IQCE: variants seen among roughly 807,000 people sequenced by gnomAD.
The protein encoded by IQCE is IQ motif containing E.
In IQCE, 115 loss-of-function variants were observed where a neutral mutation model predicts 96.0. The ratio of observed to expected loss-of-function variants is 1.20; its 90% CI spans 1.03 to 1.40. IQCE has a LOEUF of 1.40. Ranked by LOEUF, IQCE falls within the 40% of genes most tolerant of loss-of-function variation. IQCE has a pLI of 0.00. For missense variants in IQCE, 1,041 were observed against 909.1 expected, an observed-to-expected ratio of 1.15 and a Z score of -1.87; for synonymous variants, 412 against 371.2, an observed-to-expected ratio of 1.11 and a Z score of -1.26.
chr7:2,579,629 A>G (rs1170610953), intron 8 of IQCE, among the ~76,000 whole-genome samples: 2 of 152,162 alleles, frequency 1.3e-5, no homozygotes, highest in Non-Finnish European at 2.9e-5. Context: ...CACAAAGTAA[A>G]TCCTTAACAA....
rs1781812450 is a variant in IQCE at position 2,572,303 on chromosome 7, A to G, written c.371A>G (p.His124Arg). 1 of 1,614,156 alleles carries G rather than the reference A, an allele frequency of 6.2e-7. No individual in the cohort carries two copies. Among genetic ancestry groups the G allele is most frequent in the Non-Finnish European group, 8.5e-7 (1 of 1,180,004 alleles). Reference sequence around the variant, plus strand: ...GACACCTTCAGAGTGAAGAGGCCACATCTCAGGCGCTCTGCCAGCAACGGT... The same window carrying G: ...GACACCTTCAGAGTGAAGAGGCCACGTCTCAGGCGCTCTGCCAGCAACGGT... The part of the protein sequence containing the change: ...LTDTFRVKRP[H>R]LRRSASNGHV... Residue 124 changes from histidine to arginine, a missense_variant, in exon 5 of 22, where the codon CAT (histidine) becomes CGT (arginine). By Grantham distance (29) the His-to-Arg change is conservative. Transcript: ENST00000402050.
chr7:2,607,390 C>T (rs1011445657), intron 21 of IQCE, 163 bp downstream of exon 21: 79 of 1,379,944 alleles, frequency 5.7e-5, no homozygotes, highest in Admixed American at 3.4e-4. Flanking sequence ...GCCAGGAAGG[C>T]CCACAACAGG....
chr7:2,569,066 G>C, intron 3 of IQCE, 67 bp downstream of exon 3: 2 of 1,496,418 alleles, frequency 1.3e-6, no homozygotes, highest in East Asian at 4.5e-5. Context: ...GAGAATGAAG[G>C]GTATTTGCTT....
At chr7:2,586,404 CCAGGGAATGG>C (rs3217437) in intron 12 of IQCE, 33 bp downstream of exon 12, 1,177,559 of 1,563,176 alleles carry the variant, frequency 0.75, 449,341 homozygotes, top group African/African-American at 0.88. Context: ...AGGAGGGAGG[CCAGGGAATGG>C]CAGGGAATGG....
intron 6 of IQCE, among the ~76,000 whole-genome samples, chr7:2,576,925 C>T (rs550628608): frequency 6.6e-6 from 1 of 152,086 alleles, no homozygotes; most frequent in Admixed American, 6.6e-5. Context: ...CGTCCAGCCC[C>T]GGTGTTGGCG....
intron 12 of IQCE, among the ~76,000 whole-genome samples, chr7:2,587,526 C>T (rs760014923): frequency 3.3e-5 from 5 of 152,088 alleles, no homozygotes; most frequent in Non-Finnish European, 2.9e-5. Flanking sequence ...TGACAGTCAT[C>T]GGAGATCTTG....
intron 3 of IQCE, among the ~76,000 whole-genome samples, chr7:2,569,818 A>G (rs923412299): frequency 9.2e-5 from 14 of 152,236 alleles, no homozygotes; most frequent in Non-Finnish European, 1.9e-4. Context: ...CTTTGCTACT[A>G]GCCCAAGGAA....
chr7:2,584,152 C>A, intron 10 of IQCE, 84 bp from the exon 11 acceptor site: 1 of 1,211,764 alleles, frequency 8.3e-7, no homozygotes, highest in South Asian at 1.2e-5. Flanking sequence ...AGGCAGCGGT[C>A]AGGACTGTGA....
At chr7:2,560,086 G>C (rs539193163) in intron 1 of IQCE, among the ~76,000 whole-genome samples, 1 of 152,160 alleles carries the variant, frequency 6.6e-6, no homozygotes, top group Non-Finnish European at 1.5e-5. Context: ...CTTGAGCCCA[G>C]GAGGTGGAAG....
chr7:2,611,409 TAGAA>T lies in IQCE; in HGVS notation c.*1250_*1253del, dbSNP rs937436709. On this transcript the variant is annotated 3_prime_UTR_variant, in exon 22 of 22. Transcript: ENST00000402050. ...GCTGTCTCAGGAGAGACCCAATGGT[TAGAA>T]AGCCCCTTTTTACACAGCTGACAGC... 3.9e-5 allele frequency: 6 copies of T among 152,274 alleles called. No individual in the cohort carries two copies. The highest frequency in any genetic ancestry group is 1.5e-5 in the Non-Finnish European group (1 of 68,106). 9.4% of individuals were successfully genotyped at this position (152,274 alleles called of 1,614,324 possible).
At chr7:2,602,637 AGGGC>A (rs1784511233) in intron 18 of IQCE, among the ~76,000 whole-genome samples, 1 of 152,204 alleles carries the variant, frequency 6.6e-6, no homozygotes, top group African/African-American at 2.4e-5. Flanking sequence ...CTCTGCCGTC[AGGGC>A]GGGGCTTGAC....
intron 14 of IQCE, among the ~76,000 whole-genome samples, chr7:2,592,401 CAA>C (rs10534613): frequency 0.36 from 54,343 of 151,960 alleles, 10,297 homozygotes; most frequent in Non-Finnish European, 0.43. Context: ...AGTGGCGTGA[CAA>C]GAGCCACCTC....
In IQCE at chr7:2,598,775, A is replaced by G. The variant is rs986798264; in HGVS notation, c.1608+143A>G. ...GCACCGTAACATACAGAAAATGAAA[A>G]CCTCATTCACACGCTGACACCTCCG... On this transcript the variant is annotated intron_variant, in intron 17 of 21. Coordinates refer to ENST00000402050, the MANE Select transcript of IQCE (RefSeq NM_152558.5). The G allele has an allele frequency of 1.4e-4, 87 of 632,016 alleles. 1 individual carries two copies. The highest frequency in any genetic ancestry group is 1.9e-4 in the Non-Finnish European group (81 of 420,782). The allele number at this position is 632,016 out of a possible 1,614,324, so 39.2% of individuals were successfully genotyped here.
chr7:2,590,697 C>T (rs767223148), intron 14 of IQCE, among the ~76,000 whole-genome samples: 2 of 152,060 alleles, frequency 1.3e-5, no homozygotes, highest in South Asian at 2.1e-4. Flanking sequence ...CCCAAGAGTT[C>T]GAGGCTGCAG....
intron 6 of IQCE, among the ~76,000 whole-genome samples, chr7:2,577,254 A>T (rs1176738223): frequency 1.4e-5 from 2 of 147,148 alleles, no homozygotes; most frequent in Non-Finnish European, 3.0e-5. Flanking sequence ...ATGGCTGTGT[A>T]CGTGGGGACG....
At chr7:2,560,547 G>A (rs145792811) in intron 1 of IQCE, among the ~76,000 whole-genome samples, 1,747 of 152,320 alleles carry the variant, frequency 0.011, 14 homozygotes, top group Non-Finnish European at 0.016. Flanking sequence ...CATCTGGAGG[G>A]CCTGCCTGTC....
rs13307906 is a variant in IQCE, at chr7:2,563,669, C to T, written c.37-3447C>T. 7.2e-5 allele frequency among the ~76,000 whole-genome samples: 11 copies of T among 151,954 alleles called. No individual in the cohort carries two copies. The East Asian group carries it at 1.7e-3, about 24-fold the overall frequency. On this transcript the variant is annotated intron_variant, in intron 1 of 21. Transcript: ENST00000402050. ...ACTCACTTTCGGAGGCCGAGGCGGG[C>T]GGATCACGAGGTCAGGAGATCGAGA...
At chr7:2,587,997 C>G (rs1019179028) in intron 13 of IQCE, 120 bp downstream of exon 13, 1 of 923,248 alleles carries the variant, frequency 1.1e-6, no homozygotes, top group Non-Finnish European at 1.8e-6. Context: ...CAGGCAGCGC[C>G]ACACACAGAC....
In IQCE at chr7:2,610,601, G is replaced by A; in HGVS notation, c.*439G>A. 1 of 180,920 alleles carries A rather than the reference G, an allele frequency of 5.5e-6. No homozygotes were observed. The highest frequency in any genetic ancestry group is 1.2e-5 in the Non-Finnish European group (1 of 85,472). The allele number at this position is 180,920 out of a possible 1,614,324, so 11.2% of individuals were successfully genotyped here. A position where few individuals can be genotyped will look rare whatever the true frequency, so the allele number is the denominator to read the frequency against. Reference sequence around the variant, plus strand: ...CCAGGATTTGCTCGATCTCAGCCCAGCAGGCCAGGCAGACACACCCCGCTG... The same window carrying A: ...CCAGGATTTGCTCGATCTCAGCCCAACAGGCCAGGCAGACACACCCCGCTG... On this transcript the variant is annotated 3_prime_UTR_variant, in exon 22 of 22. Coordinates refer to ENST00000402050, the MANE Select transcript of IQCE (RefSeq NM_152558.5).
Sources: allele counts gnomAD v4.1 joint callset (sites outside exome capture counted in the v4.1 genomes callset), GRCh38; gene constraint gnomAD v4.1.1; transcripts MANE v1.5; gene names NCBI Gene and HGNC (gene_info 2026-07-23, HGNC 2026-07-21).